The following DNMBP variants were observed in gnomAD, a reference collection of about 807,000 sequenced individuals.
The protein encoded by DNMBP is dynamin-binding protein.
A neutral mutation model predicts 150.0 loss-of-function variants in DNMBP; 87 were observed. That is an observed-to-expected ratio of 0.58 (90% confidence interval 0.49 to 0.69). The LOEUF (loss-of-function observed/expected upper bound fraction) is 0.69. DNMBP is among the 30% of genes least tolerant of loss of function. The pLI is 0.00. For missense variants in DNMBP, 1,774 were observed against 1,949.0 expected, an observed-to-expected ratio of 0.91 and a Z score of 1.69; for synonymous variants, 711 against 750.4, an observed-to-expected ratio of 0.95 and a Z score of 0.86.
intron 9 of DNMBP, 168 bp downstream of exon 9, chr10:99,897,918 A>T (rs943659301): frequency 3.3e-5 from 21 of 637,504 alleles, no homozygotes; most frequent in South Asian, 1.6e-4. Flanking sequence ...GTCTCAAAAA[A>T]AATAATAATA....
chr10:99,891,425 T>A (rs1036872043), intron 11 of DNMBP, among the ~76,000 whole-genome samples: 18 of 151,838 alleles, frequency 1.2e-4, no homozygotes, highest in African/African-American at 4.4e-4. Context: ...TCCGCCAGCC[T>A]CGGCCTCCCG....
intron 3 of DNMBP, among the ~76,000 whole-genome samples, chr10:99,962,362 T>C (rs1470646834): frequency 2.6e-5 from 4 of 152,242 alleles, no homozygotes; most frequent in Non-Finnish European, 5.9e-5. Context: ...CTGGGCGCAG[T>C]GGCTCACGCC....
At chr10:99,899,508 G>A (rs999254943) in intron 7 of DNMBP, among the ~76,000 whole-genome samples, 4 of 151,544 alleles carry the variant, frequency 2.6e-5, no homozygotes, top group Admixed American at 6.6e-5. Flanking sequence ...AGCCTAAGGC[G>A]GGAGAATCGC....
intron 3 of DNMBP, among the ~76,000 whole-genome samples, chr10:99,967,350 A>G (rs1244167790): frequency 6.6e-6 from 1 of 152,120 alleles, no homozygotes; most frequent in Admixed American, 6.5e-5. Flanking sequence ...AGATGGTGAA[A>G]CCCCATCTCT....
intron 1 of DNMBP, among the ~76,000 whole-genome samples, chr10:99,986,128 A>G (rs1589449855): frequency 6.6e-6 from 1 of 152,294 alleles, no homozygotes; most frequent in Non-Finnish European, 1.5e-5. Flanking sequence ...TCCATTCAAG[A>G]AAGCAAAGGG....
intron 1 of DNMBP, among the ~76,000 whole-genome samples, chr10:100,000,363 T>C (rs762128254): frequency 1.1e-4 from 17 of 152,086 alleles, no homozygotes; most frequent in Non-Finnish European, 2.4e-4. Flanking sequence ...ATGAAAACAA[T>C]GCAGAATGCA....
rs560414276 is a variant in DNMBP at position 99,929,307 on chromosome 10, A to C, written c.2261-20161T>G. Among the ~76,000 whole-genome samples the C allele has an allele frequency of 6.6e-5, 10 of 152,256 alleles. No individual in the cohort carries two copies. In the East Asian group the frequency reaches 1.9e-3, roughly 29 times the overall value. On this transcript the variant is annotated intron_variant, in intron 4 of 16. Coordinates refer to ENST00000324109, the MANE Select transcript of DNMBP (RefSeq NM_015221.4). The stretch of plus-strand genomic sequence containing the variant: ...CTCGACAAGATGAACAAAAACATGA[A>C]AGTAAGAAAGGAAAGATACTTGAGA...
Position 99,972,052 on chromosome 10 carries a change from C to CA in DNMBP, c.72dup (p.Val25CysfsTer6). ...GCCAGCACCTCAATAATATCTCCCA[C>CA]AAAGAGCGGCAGTTCTTCTGATACG... On this transcript the variant is annotated frameshift_variant, in exon 2 of 17. Coordinates refer to ENST00000324109, the MANE Select transcript of DNMBP (RefSeq NM_015221.4). LOFTEE classifies it high-confidence loss of function. The CA allele has an allele frequency of 6.2e-7, 1 of 1,614,006 alleles. No individual in the cohort carries two copies. The highest frequency in any genetic ancestry group is 8.5e-7 in the Non-Finnish European group (1 of 1,180,004).
intron 4 of DNMBP, among the ~76,000 whole-genome samples, chr10:99,954,656 A>C (rs868511615): frequency 6.6e-6 from 1 of 151,240 alleles, no homozygotes; most frequent in Middle Eastern, 3.4e-3. Context: ...AGGCAGGAGA[A>C]TCGCTTGAAC....
intron 6 of DNMBP, among the ~76,000 whole-genome samples, chr10:99,904,412 CAGT>C (rs1373571759): frequency 1.3e-5 from 2 of 152,088 alleles, no homozygotes; most frequent in Non-Finnish European, 2.9e-5. Flanking sequence ...CAGAGTCTCC[CAGT>C]GCTGCTTGAT....
chr10:99,978,981 C>T (rs2040756449), intron 1 of DNMBP, among the ~76,000 whole-genome samples: 1 of 152,110 alleles, frequency 6.6e-6, no homozygotes, highest in Non-Finnish European at 1.5e-5. Context: ...CTGTTTTCCC[C>T]ACTAAAATGG....
chr10:99,968,247 C>T (rs2040639742), intron 3 of DNMBP, among the ~76,000 whole-genome samples: 1 of 152,120 alleles, frequency 6.6e-6, no homozygotes. Context: ...ATGTTTTGCA[C>T]CTATCTCTTA....
At chr10:99,885,137 C>G (rs939865977) in intron 14 of DNMBP, among the ~76,000 whole-genome samples, 1 of 152,048 alleles carries the variant, frequency 6.6e-6, no homozygotes, top group African/African-American at 2.4e-5. Context: ...AAAAAATAGG[C>G]CTGGCAGAAT....
At chr10:99,940,922 T>C (rs1359354500) in intron 4 of DNMBP, among the ~76,000 whole-genome samples, 1 of 152,184 alleles carries the variant, frequency 6.6e-6, no homozygotes, top group Non-Finnish European at 1.5e-5. Flanking sequence ...TCTAACTTTT[T>C]CACCCAGGCT....
Position 99,897,946 on chromosome 10 carries a change from C to A in DNMBP, c.2920+140G>T, listed in dbSNP as rs1040450067. The A allele has an allele frequency of 2.9e-5, 20 of 685,594 alleles. No individual in the cohort carries two copies. In the African/African-American group the frequency reaches 3.6e-4, roughly 12 times the overall value. The allele number at this position is 685,594 out of a possible 1,614,324, so 42.5% of individuals were successfully genotyped here. A position where few individuals can be genotyped will look rare whatever the true frequency, so the allele number is the denominator to read the frequency against. ...TAATAATAAAATATCATATTTCCCC[C>A]AAATTCTACCATTTCTTCATCACAG... On this transcript the variant is annotated intron_variant, in intron 9 of 16. Transcript: ENST00000324109.
In DNMBP at chr10:99,945,246, T is replaced by G. The variant is rs113813299; in HGVS notation, c.2260+9968A>C. 6.7e-3 allele frequency among the ~76,000 whole-genome samples: 1,014 copies of G among 152,296 alleles called. 11 individuals carry two copies. The highest frequency in any genetic ancestry group is 0.023 in the African/African-American group (970 of 41,552). ...AGGTACTAGGATTCTCCTGAGAGAA[T>G]AAAGCCTAACAATAAATGCAGAGAC... On this transcript the variant is annotated intron_variant, in intron 4 of 16. Transcript: ENST00000324109.
At position 99,884,310 on chromosome 10, in the gene DNMBP, G is replaced by A; in HGVS notation, c.3799-101C>T. ...CAGTCTCAGAAATGAGGCAGGGACA[G>A]TCAGTCACTGCCCATCTCACTCCCA... On this transcript the variant is annotated intron_variant, in intron 14 of 16. Transcript: ENST00000324109. 4 of 946,140 alleles carry A rather than the reference G, an allele frequency of 4.2e-6. No individual in the cohort carries two copies. The South Asian group carries it at 7.3e-5, about 17-fold the overall frequency. The allele number at this position is 946,140 out of a possible 1,614,324, so 58.6% of individuals were successfully genotyped here.
intron 1 of DNMBP, among the ~76,000 whole-genome samples, chr10:100,000,950 G>C (rs895510778): frequency 6.9e-6 from 1 of 144,490 alleles, no homozygotes; most frequent in Admixed American, 7.2e-5. Flanking sequence ...GGGGAAAAAA[G>C]AGCCGGGCAC....
intron 16 of DNMBP, among the ~76,000 whole-genome samples, chr10:99,879,554 TGAA>T (rs933679694): frequency 1.2e-4 from 19 of 152,178 alleles, no homozygotes; most frequent in African/African-American, 4.6e-4. Flanking sequence ...GGAAGAATAA[TGAA>T]GTTGTCATTA....
Sources: gnomAD v4.1 joint callset for allele counts (sites outside exome capture counted in the v4.1 genomes callset) on GRCh38, gnomAD v4.1.1 for gene constraint, MANE v1.5 for transcripts, NCBI Gene and HGNC (gene_info 2026-07-23, HGNC 2026-07-21) for gene names.